The following SRGAP2C variants were observed in gnomAD, a reference collection of about 807,000 sequenced individuals.
The protein encoded by SRGAP2C is SLIT-ROBO Rho GTPase activating protein 2C.
Under a neutral mutation model 25.1 loss-of-function variants are expected in SRGAP2C, and 15 were observed. That is an observed-to-expected ratio of 0.60 (90% confidence interval 0.40 to 0.92). SRGAP2C has a LOEUF of 0.92. Ranked by LOEUF, SRGAP2C falls within the 40% of genes least tolerant of loss-of-function variation. The pLI, the probability that SRGAP2C is intolerant of heterozygous loss-of-function variation, is 0.00. For synonymous variants in SRGAP2C, 44 were observed against 96.6 expected (o/e 0.46, Z 3.19); for missense variants, 144 against 264.4 (o/e 0.54, Z 3.16).
intron 2 of SRGAP2C, among the ~76,000 whole-genome samples, chr1:121,212,224 G>A (rs368617409): frequency 0.54 from 49,814 of 93,068 alleles, 12,103 homozygotes; most frequent in East Asian, 0.73. Flanking sequence ...TCCACCTCCC[G>A]GGTTCAAGCA....
intron 5 of SRGAP2C, among the ~76,000 whole-genome samples, chr1:121,370,563 TC>T (rs1659457963): frequency 6.9e-6 from 1 of 144,148 alleles, no homozygotes; most frequent in South Asian, 2.3e-4. Context: ...TGCCTCAGCC[TC>T]CCGAGTAGCT....
chr1:121,267,980 A>C (rs1353472585), intron 2 of SRGAP2C, among the ~76,000 whole-genome samples: 1 of 151,098 alleles, frequency 6.6e-6, no homozygotes, highest in Non-Finnish European at 1.5e-5. Context: ...CATCACCCAA[A>C]AAACAGCTCT....
intron 2 of SRGAP2C, among the ~76,000 whole-genome samples, chr1:121,215,712 T>C: frequency 1.2e-5 from 1 of 84,236 alleles, no homozygotes; most frequent in South Asian, 5.3e-4. Context: ...CTGCAAAGGC[T>C]CCTGTTAAAT....
intron 7 of SRGAP2C, among the ~76,000 whole-genome samples, chr1:121,380,590 A>G (rs2101675071): frequency 6.6e-6 from 1 of 151,140 alleles, no homozygotes; most frequent in African/African-American, 2.4e-5. Context: ...AATTAAGATT[A>G]TACCAACCTC....
chr1:121,294,619 G>T (rs1657558249), intron 3 of SRGAP2C, among the ~76,000 whole-genome samples: 2 of 83,222 alleles, frequency 2.4e-5, no homozygotes, highest in Non-Finnish European at 5.1e-5. Flanking sequence ...TAGACTTCCT[G>T]TAAATTACCT....
At chr1:121,222,697 C>T (rs1292115077) in intron 2 of SRGAP2C, among the ~76,000 whole-genome samples, 4 of 152,216 alleles carry the variant, frequency 2.6e-5, no homozygotes, top group African/African-American at 4.8e-5. Flanking sequence ...GAGAAAGAAA[C>T]TTAACTGTGG....
At chr1:121,236,348 T>TA (rs1655958439) in intron 2 of SRGAP2C, among the ~76,000 whole-genome samples, 2 of 151,284 alleles carry the variant, frequency 1.3e-5, no homozygotes, top group Non-Finnish European at 2.9e-5. Flanking sequence ...ACCCCCGTTG[T>TA]AGTCTTTATG....
At chr1:121,305,189 C>G (rs1425598047) in intron 3 of SRGAP2C, among the ~76,000 whole-genome samples, 8 of 151,864 alleles carry the variant, frequency 5.3e-5, no homozygotes, top group Admixed American at 5.3e-4. Context: ...TTGCATTTAG[C>G]GAACCAAGAA....
At position 121,392,218 on chromosome 1, in the gene SRGAP2C, C is replaced by A. The variant is rs1553358254; in HGVS notation, c.*4363C>A. 6.6e-6 allele frequency: 1 copy of A among 152,154 alleles called. No homozygotes were observed. Among genetic ancestry groups the A allele is most frequent in the Non-Finnish European group, 1.5e-5 (1 of 68,000 alleles). The allele number at this position is 152,154 out of a possible 1,614,324, so 9.4% of individuals were successfully genotyped here. A position where few individuals can be genotyped will look rare whatever the true frequency, so the allele number is the denominator to read the frequency against. On this transcript the variant is annotated 3_prime_UTR_variant, in exon 10 of 10. Transcript: ENST00000367123. ...GGACATCATCAAATAGACCAACATT[C>A]ATATTCTAGAAGGATAAATTATGTT...
intron 3 of SRGAP2C, among the ~76,000 whole-genome samples, chr1:121,285,973 A>G (rs1210237037): frequency 6.6e-5 from 10 of 152,228 alleles, no homozygotes; most frequent in Admixed American, 6.5e-4. Flanking sequence ...AAATATGCTA[A>G]TACAATAGCT....
At chr1:121,202,693 C>T (rs1570701251) in intron 2 of SRGAP2C, among the ~76,000 whole-genome samples, 1 of 152,028 alleles carries the variant, frequency 6.6e-6, no homozygotes, top group East Asian at 1.9e-4. Flanking sequence ...TCCCAAAGTG[C>T]TGGGATTATA....
At chr1:121,212,281 C>T (rs1296702810) in intron 2 of SRGAP2C, among the ~76,000 whole-genome samples, 1 of 143,824 alleles carries the variant, frequency 7.0e-6, no homozygotes. Flanking sequence ...CAGGCGCCCG[C>T]CACCACGCTC....
At chr1:121,277,551 CAAAGTGTTTT>C (rs1657134262) in intron 2 of SRGAP2C, among the ~76,000 whole-genome samples, 1 of 143,106 alleles carries the variant, frequency 7.0e-6, no homozygotes, top group Non-Finnish European at 1.5e-5. Context: ...CTGGCCTAGG[CAAAGTGTTTT>C]AAGCGAAAAT....
intron 3 of SRGAP2C, among the ~76,000 whole-genome samples, chr1:121,289,281 C>T (rs1436318282): frequency 2.1e-4 from 30 of 146,156 alleles, no homozygotes; most frequent in East Asian, 6.7e-4. Context: ...AGCGAGAAAT[C>T]GAGCACAGCG....
intron 2 of SRGAP2C, among the ~76,000 whole-genome samples, chr1:121,188,074 G>T (rs1444613923): frequency 6.6e-6 from 1 of 152,146 alleles, no homozygotes; most frequent in Non-Finnish European, 1.5e-5. Flanking sequence ...CCTGGTCTCT[G>T]GTCGGCCTGC....
rs782032772 is a variant in SRGAP2C, at chr1:121,374,952, G to A, written c.829G>A (p.Asp277Asn). The change falls in exon 7 of 10, where the codon GAT becomes AAT. Residue 277 changes from aspartate to asparagine, a missense_variant and splice_region_variant. By Grantham distance (23) the Asp-to-Asn change is conservative (BLOSUM62 1). Coordinates refer to ENST00000367123, the MANE Select transcript of SRGAP2C (RefSeq NM_001329984.2). ...CATCCATGACCTATCTGACCTTATT[G>A]ATGTAAGTGCTTAAAGCCAAGGGCC... ...YYIHDLSDLI[D>N]QCCDLGYHAS... 1 of 777,256 alleles carries A rather than the reference G, an allele frequency of 1.3e-6. No individual in the cohort carries two copies. Among genetic ancestry groups the A allele is most frequent in the East Asian group, 2.4e-5 (1 of 41,184 alleles). The allele number at this position is 777,256 out of a possible 1,614,324, so 48.1% of individuals were successfully genotyped here. A position where few individuals can be genotyped will look rare whatever the true frequency, so the allele number is the denominator to read the frequency against.
intron 4 of SRGAP2C, among the ~76,000 whole-genome samples, chr1:121,354,994 G>A (rs1553347263): frequency 4.1e-4 from 24 of 58,922 alleles, no homozygotes; most frequent in African/African-American, 5.1e-4. Flanking sequence ...CCGAGATGGC[G>A]CCACTGCACT....
At chr1:121,335,218 G>A (rs1420525620) in intron 4 of SRGAP2C, among the ~76,000 whole-genome samples, 83 of 149,436 alleles carry the variant, frequency 5.6e-4, no homozygotes, top group South Asian at 2.7e-3. Context: ...ACTTGAACCC[G>A]GAAGGTGGAG....
rs1658183955 is a variant in SRGAP2C at position 121,320,797 on chromosome 1, A to C, written c.261-3681A>C. Among the ~76,000 whole-genome samples, 24 of 152,220 alleles carry C rather than the reference A, an allele frequency of 1.6e-4. No homozygotes were observed. The South Asian group carries it at 5.0e-3, about 32-fold the overall frequency. ...ACCTAGCAGCTATTCCCCTTCATAA[A>C]TATTAATTGGATAAGCCCCAACATG... On this transcript the variant is annotated intron_variant, in intron 3 of 9. Coordinates refer to ENST00000367123, the MANE Select transcript of SRGAP2C (RefSeq NM_001329984.2).
Sources: allele counts gnomAD v4.1 joint callset (sites outside exome capture counted in the v4.1 genomes callset), GRCh38; gene constraint gnomAD v4.1.1; transcripts MANE v1.5; gene names NCBI Gene and HGNC (gene_info 2026-07-23, HGNC 2026-07-21).